Variants in ZXDB observed in about 807,000 individuals in gnomAD.
ZXDB encodes the protein zinc finger X-linked protein ZXDB.
For synonymous variants in ZXDB, 273 were observed against 314.3 expected, an observed-to-expected ratio of 0.87 and a Z score of 1.39; for missense variants, 413 against 679.1, an observed-to-expected ratio of 0.61 and a Z score of 4.36.
rs1210363173 is a variant in ZXDB, at chrX:57,592,894, C to T, written c.846C>T (p.Phe282=). The T allele has an allele frequency of 1.7e-6, 2 of 1,187,582 alleles. No individual in the cohort carries two copies. The highest frequency in any genetic ancestry group is 1.1e-6 in the Non-Finnish European group (1 of 884,263). The change falls in exon 1 of 1, where the codon TTC becomes TTT. Residue 282 remains phenylalanine, a synonymous_variant. Transcript: ENST00000374888. ...CCGAGGCGCAGTGCGGGCAAACCTTCGCCAAGAAGCACCAGCTGAAGGTGC... is the reference window on the plus strand; with the variant it reads ...CCGAGGCGCAGTGCGGGCAAACCTTTGCCAAGAAGCACCAGCTGAAGGTGC... ...LCPEAQCGQT[F]AKKHQLKVHL... is the part of the protein sequence containing the mutation.
In ZXDB at chrX:57,593,563, C is replaced by T. The variant is rs1030905457; in HGVS notation, c.1515C>T (p.Ser505=). The change falls in exon 1 of 1, where the codon AGC becomes AGT. Residue 505 remains serine, a synonymous_variant. Coordinates refer to ENST00000374888, the MANE Select transcript of ZXDB (RefSeq NM_007157.4). ...GGGCGGAACATCTGAAAGGCCACAG[C>T]ATAACCCACCTGGGCACAAAGCCTT... is the stretch of plus-strand genomic sequence containing the variant. The part of the protein sequence containing the change: ...FTRAEHLKGH[S]ITHLGTKPFV... The T allele has an allele frequency of 3.3e-6, 4 of 1,211,791 alleles. No homozygotes were observed. Among genetic ancestry groups the T allele is most frequent in the Non-Finnish European group, 4.5e-6 (4 of 895,498 alleles).
Position 57,592,542 on chromosome X carries a change from T to G in ZXDB, c.494T>G (p.Phe165Cys). Reference sequence around the variant, plus strand: ...TCCGCCCCCGGCCCCGCCGCGGCCTTCGCGGGCACAGTCACTATCCACAAC... The same window carrying G: ...TCCGCCCCCGGCCCCGCCGCGGCCTGCGCGGGCACAGTCACTATCCACAAC... ...PISAPGPAAAFAGTVTIHNQD... is the reference protein window; with the variant it reads ...PISAPGPAAACAGTVTIHNQD... Residue 165 changes from phenylalanine (F) to cysteine (C), a missense_variant, in exon 1 of 1, where the codon TTC becomes TGC. Physicochemically the swap from Phe to Cys is radical, Grantham distance 205. Transcript: ENST00000374888. The G allele has an allele frequency of 3.4e-6, 4 of 1,188,892 alleles. No individual in the cohort carries two copies. The highest frequency in any genetic ancestry group is 4.5e-6 in the Non-Finnish European group (4 of 885,807).
Position 57,592,300 on chromosome X carries a change from C to T in ZXDB, c.252C>T (p.Gly84=). Residue 84 remains glycine (G), a synonymous_variant, in exon 1 of 1, where the codon GGC becomes GGT. Transcript: ENST00000374888. ...LAPRTDQPSG[G]GGGGGDDFFL... is the part of the protein sequence containing the mutation. ...CGAGGACCGATCAACCTAGCGGCGG[C>T]GGCGGCGGCGGCGGCGACGACTTCT... 8.5e-7 allele frequency: 1 copy of T among 1,181,943 alleles called. No homozygotes were observed. The highest frequency in any genetic ancestry group is 1.1e-6 in the Non-Finnish European group (1 of 885,338).
rs775053981 is a variant in ZXDB, at chrX:57,592,282, C to G, written c.234C>G (p.Thr78=). Residue 78 remains threonine (T), a synonymous_variant, in exon 1 of 1, where the codon ACC becomes ACG. Coordinates refer to ENST00000374888, the MANE Select transcript of ZXDB (RefSeq NM_007157.4). ...GCCCAAGCCTGTTGGCGCCGAGGAC[C>G]GATCAACCTAGCGGCGGCGGCGGCG... The part of the protein sequence containing the change: ...GPGPSLLAPR[T]DQPSGGGGGG... 5 of 1,182,941 alleles carry G rather than the reference C, an allele frequency of 4.2e-6. No individual in the cohort carries two copies. In the Admixed American group the frequency reaches 9.0e-5, roughly 21 times the overall value.
At position 57,595,614 on chromosome X, in the gene ZXDB, A is replaced by G. The variant is rs776975499; in HGVS notation, c.*1154A>G. ...TGCTATGTAATAGAAATATTATTCA[A>G]TGCCAAAATATTTTCTTAAATAGTC... On this transcript the variant is annotated 3_prime_UTR_variant, in exon 1 of 1. Transcript: ENST00000374888. 14 of 123,798 alleles carry G rather than the reference A, an allele frequency of 1.1e-4. No individual in the cohort carries two copies. Among genetic ancestry groups the G allele is most frequent in the African/African-American group, 3.2e-4 (10 of 31,044 alleles). 10.2% of individuals were successfully genotyped at this position (123,798 alleles called of 1,213,427 possible).
rs2057909858 is a variant in ZXDB, at chrX:57,596,102, C to G, written c.*1642C>G. ...AGGGAATCTGTTTACTCCCTCTTCC[C>G]TCTACTGAATAATTTTCCCTCTACT... On this transcript the variant is annotated 3_prime_UTR_variant, in exon 1 of 1. Transcript: ENST00000374888. The G allele has an allele frequency of 8.2e-6, 1 of 122,567 alleles. No homozygotes were observed. Among genetic ancestry groups the G allele is most frequent in the African/African-American group, 3.3e-5 (1 of 30,660 alleles). The allele number at this position is 122,567 out of a possible 1,213,427, so 10.1% of individuals were successfully genotyped here.
chrX:57,592,730 C>T lies in ZXDB; in HGVS notation c.682C>T (p.Pro228Ser). Residue 228 changes from proline to serine, a missense_variant, in exon 1 of 1, where the codon CCG becomes TCG. Physicochemically the swap from Pro to Ser is moderately conservative, Grantham distance 74 (BLOSUM62 -1). Coordinates refer to ENST00000374888, the MANE Select transcript of ZXDB (RefSeq NM_007157.4). ...GCACCCGGGTGACTGCCCAGAGCTG[C>T]CGCCAGACCTCCTGCTAGCTGAGCC... is the stretch of plus-strand genomic sequence containing the variant. Reference protein sequence around the residue: ...AAHPGDCPELPPDLLLAEPAE... With the variant: ...AAHPGDCPELSPDLLLAEPAE... The T allele has an allele frequency of 8.6e-7, 1 of 1,169,557 alleles. No homozygotes were observed. The highest frequency in any genetic ancestry group is 1.1e-6 in the Non-Finnish European group (1 of 877,773).
At position 57,593,189 on chromosome X, in the gene ZXDB, G is replaced by A. The variant is rs374431053; in HGVS notation, c.1141G>A (p.Ala381Thr). The change falls in exon 1 of 1, where the codon GCC becomes ACC. Residue 381 changes from alanine (A) to threonine (T), a missense_variant. Ala to Thr is a moderately conservative substitution (Grantham distance 58). Coordinates refer to ENST00000374888, the MANE Select transcript of ZXDB (RefSeq NM_007157.4). Reference protein sequence around the residue: ...ESFPTQAKLSAHQRSHFEPER... With the variant: ...ESFPTQAKLSTHQRSHFEPER... ...CTTCCCCACGCAGGCCAAACTCAGC[G>A]CCCACCAGCGCAGCCACTTCGAACC... The A allele has an allele frequency of 1.7e-6, 2 of 1,210,092 alleles. No homozygotes were observed. Among genetic ancestry groups the A allele is most frequent in the South Asian group, 1.8e-5 (1 of 56,827 alleles).
Position 57,592,547 on chromosome X carries a change from G to A in ZXDB, c.499G>A (p.Gly167Ser). The change falls in exon 1 of 1, where the codon GGC becomes AGC. Residue 167 changes from glycine to serine, a missense_variant. Physicochemically the swap from Gly to Ser is moderately conservative, Grantham distance 56. Transcript: ENST00000374888. ...SAPGPAAAFA[G>S]TVTIHNQDLL... The stretch of plus-strand genomic sequence containing the variant: ...CCCCGGCCCCGCCGCGGCCTTCGCG[G>A]GCACAGTCACTATCCACAACCAGGA... 8.4e-7 allele frequency: 1 copy of A among 1,191,009 alleles called. No homozygotes were observed. Among genetic ancestry groups the A allele is most frequent in the Non-Finnish European group, 1.1e-6 (1 of 886,899 alleles).
At position 57,593,497 on chromosome X, in the gene ZXDB, G is replaced by A; in HGVS notation, c.1449G>A (p.Arg483=). The A allele has an allele frequency of 1.7e-6, 2 of 1,211,828 alleles. No individual in the cohort carries two copies. The highest frequency in any genetic ancestry group is 2.2e-6 in the Non-Finnish European group (2 of 895,542). Residue 483 remains arginine (R), a synonymous_variant, in exon 1 of 1, where the codon AGG becomes AGA. Coordinates refer to ENST00000374888, the MANE Select transcript of ZXDB (RefSeq NM_007157.4). ...AAAGAAAGCACGACGATGACCGGAG[G>A]TTCATGTGCCCTGTGGAAGGCTGTG... ...RHKRKHDDDR[R]FMCPVEGCGK...
At position 57,592,433 on chromosome X, in the gene ZXDB, G is replaced by C. The variant is rs1177629298; in HGVS notation, c.385G>C (p.Gly129Arg). ...GGCCGAGGAGGGCCCGGGGCTCCAGGGGGGCGAGAGCGGCGCGAATCCCGC... is the reference window on the plus strand; with the variant it reads ...GGCCGAGGAGGGCCCGGGGCTCCAGCGGGGCGAGAGCGGCGCGAATCCCGC... ...EEAEEGPGLQGGESGANPAGP... is the reference protein window; with the variant it reads ...EEAEEGPGLQRGESGANPAGP... The change falls in exon 1 of 1, where the codon GGG becomes CGG. Residue 129 changes from glycine to arginine, a missense_variant. Transcript: ENST00000374888. 8 of 1,159,351 alleles carry C rather than the reference G, an allele frequency of 6.9e-6. No individual in the cohort carries two copies. Among genetic ancestry groups the C allele is most frequent in the East Asian group, 3.3e-5 (1 of 30,386 alleles).
In ZXDB at chrX:57,595,938, CTG is replaced by C. The variant is rs1009446529; in HGVS notation, c.*1482_*1483del. On this transcript the variant is annotated 3_prime_UTR_variant, in exon 1 of 1. Transcript: ENST00000374888. ...GTTTCTTATGTTAAGGAAAGATACT[CTG>C]TGTTTTGGCATATGTTGGTGAATTT... The C allele has an allele frequency of 1.6e-5, 2 of 123,619 alleles. No individual in the cohort carries two copies. Among genetic ancestry groups the C allele is most frequent in the Admixed American group, 9.4e-5 (1 of 10,612 alleles). 10.2% of individuals were successfully genotyped at this position (123,619 alleles called of 1,213,427 possible). A position where few individuals can be genotyped will look rare whatever the true frequency, so the allele number is the denominator to read the frequency against.
In ZXDB at chrX:57,592,419, G is replaced by T; in HGVS notation, c.371G>T (p.Gly124Val). The T allele has an allele frequency of 1.0e-5, 12 of 1,165,440 alleles. No homozygotes were observed. The highest frequency in any genetic ancestry group is 1.4e-5 in the Non-Finnish European group (12 of 877,185). Residue 124 changes from glycine to valine, a missense_variant, in exon 1 of 1, where the codon GGC (glycine) becomes GTC (valine). Coordinates refer to ENST00000374888, the MANE Select transcript of ZXDB (RefSeq NM_007157.4). ...GTGTTGAGGGAGGAGGCCGAGGAGGGCCCGGGGCTCCAGGGGGGCGAGAGC... is the reference window on the plus strand; with the variant it reads ...GTGTTGAGGGAGGAGGCCGAGGAGGTCCCGGGGCTCCAGGGGGGCGAGAGC... ...GPVLREEAEE[G>V]PGLQGGESGA...
Position 57,592,966 on chromosome X carries a change from C to T in ZXDB, c.918C>T (p.Cys306=). The change falls in exon 1 of 1, where the codon TGC becomes TGT. Residue 306 remains cysteine (C), a synonymous_variant. Transcript: ENST00000374888. ...GCCAGGGCCAGAGGCCCTTCAAATG[C>T]CCCCTGGGTGGCTGCGGCTGGACCT... ...SSSQGQRPFK[C]PLGGCGWTFT... is the part of the protein sequence containing the mutation. The T allele has an allele frequency of 8.3e-7, 1 of 1,207,248 alleles. No homozygotes were observed. Among genetic ancestry groups the T allele is most frequent in the Non-Finnish European group, 1.1e-6 (1 of 893,243 alleles).
rs2057911732 is a variant in ZXDB, at chrX:57,596,702, C to G, written c.*2242C>G. On this transcript the variant is annotated 3_prime_UTR_variant, in exon 1 of 1. Coordinates refer to ENST00000374888, the MANE Select transcript of ZXDB (RefSeq NM_007157.4). ...CATTTGAATTGGTTTCTTTTATGGT[C>G]AGTTTACTTTCTTCCCTCTCCCCTC... 2 of 122,798 alleles carry G rather than the reference C, an allele frequency of 1.6e-5. No homozygotes were observed. Among genetic ancestry groups the G allele is most frequent in the Admixed American group, 1.9e-4 (2 of 10,507 alleles). The allele number at this position is 122,798 out of a possible 1,213,427, so 10.1% of individuals were successfully genotyped here.
In ZXDB at chrX:57,592,255, T is replaced by G. The variant is rs1200066256; in HGVS notation, c.207T>G (p.Pro69=). ...AGGCCAGCACGGCATCACGGGGCCC[T>G]GGCCCAAGCCTGTTGGCGCCGAGGA... ...REEASTASRG[P]GPSLLAPRTD... is the part of the protein sequence containing the mutation. The change falls in exon 1 of 1, where the codon CCT becomes CCG. Residue 69 remains proline (P), a synonymous_variant. Coordinates refer to ENST00000374888, the MANE Select transcript of ZXDB (RefSeq NM_007157.4). 2.6e-6 allele frequency: 3 copies of G among 1,167,507 alleles called. No individual in the cohort carries two copies. Among genetic ancestry groups the G allele is most frequent in the Non-Finnish European group, 3.4e-6 (3 of 879,078 alleles).
Position 57,593,903 on chromosome X carries a change from T to G in ZXDB, c.1855T>G (p.Ser619Ala). The G allele has an allele frequency of 8.5e-7, 1 of 1,176,562 alleles. No homozygotes were observed. The highest frequency in any genetic ancestry group is 1.2e-6 in the Non-Finnish European group (1 of 869,199). ...SLFSDVPDST[S>A]AALLDTALVN... Reference sequence around the variant, plus strand: ...CTTCTCTGATGTACCTGACAGTACTTCTGCTGCATTGCTGGACACAGCATT... The same window carrying G: ...CTTCTCTGATGTACCTGACAGTACTGCTGCTGCATTGCTGGACACAGCATT... The change falls in exon 1 of 1, where the codon TCT (serine) becomes GCT (alanine). Residue 619 changes from serine to alanine, a missense_variant. Physicochemically the swap from Ser to Ala is moderately conservative, Grantham distance 99. Coordinates refer to ENST00000374888, the MANE Select transcript of ZXDB (RefSeq NM_007157.4).
In ZXDB at chrX:57,596,770, C is replaced by T. The variant is rs2057911918; in HGVS notation, c.*2310C>T. On this transcript the variant is annotated 3_prime_UTR_variant, in exon 1 of 1. Transcript: ENST00000374888. ...CATCCTTGCTATGCCTTTCTGTCCT[C>T]TTTTATAATGGATATATCTTTTTCC... The T allele has an allele frequency of 8.2e-6, 1 of 122,297 alleles. No individual in the cohort carries two copies. Among genetic ancestry groups the T allele is most frequent in the African/African-American group, 3.3e-5 (1 of 30,525 alleles). The allele number at this position is 122,297 out of a possible 1,213,427, so 10.1% of individuals were successfully genotyped here.
rs1161867488 is a variant in ZXDB, at chrX:57,594,419, A to G, written c.2371A>G (p.Thr791Ala). Residue 791 changes from threonine to alanine, a missense_variant, in exon 1 of 1, where the codon ACA (threonine) becomes GCA (alanine). Coordinates refer to ENST00000374888, the MANE Select transcript of ZXDB (RefSeq NM_007157.4). ...AAGNHGSQKE[T>A]DLITVTGSSF... ...AGGAAACCATGGTTCTCAGAAAGAA[A>G]CAGATCTTATCACTGTGACTGGCAG... 22 of 1,209,546 alleles carry G rather than the reference A, an allele frequency of 1.8e-5. No homozygotes were observed. Among genetic ancestry groups the G allele is most frequent in the Non-Finnish European group, 2.5e-5 (22 of 894,943 alleles).
Sources: gnomAD v4.1 joint callset for allele counts on GRCh38, gnomAD v4.1.1 for gene constraint, MANE v1.5 for transcripts, NCBI Gene and HGNC (gene_info 2026-07-23, HGNC 2026-07-21) for gene names.